The following PTPN7 variants were observed in gnomAD, a reference collection of about 807,000 sequenced individuals.
The protein encoded by PTPN7 is tyrosine-protein phosphatase non-receptor type 7.
In PTPN7, 33 loss-of-function variants were observed where a neutral mutation model predicts 50.3. The observed-to-expected ratio is 0.66, with a 90% confidence interval of 0.50 to 0.88. PTPN7 has a LOEUF of 0.88. Ranked by LOEUF, PTPN7 falls within the 40% of genes least tolerant of loss-of-function variation. The pLI, the probability that PTPN7 is intolerant of heterozygous loss-of-function variation, is 0.00. For synonymous variants in PTPN7, 185 were observed against 186.6 expected, an observed-to-expected ratio of 0.99 and a Z score of 0.07; for missense variants, 412 against 475.4, an observed-to-expected ratio of 0.87 and a Z score of 1.24.
At chr1:202,161,564 C>T (rs778810712), upstream of PTPN7, 47 of 1,282,400 alleles carry the variant, frequency 3.7e-5, no homozygotes, top group Non-Finnish European at 4.0e-5. Context: ...GGTTCATGCT[C>T]GCTGCACGCC....
In PTPN7 at chr1:202,152,492, A is replaced by G. The variant is rs116558030; in HGVS notation, c.875+50T>C. 2.3e-4 allele frequency: 364 copies of G among 1,586,220 alleles called. No individual in the cohort carries two copies. The African/African-American group carries it at 4.0e-3, about 17-fold the overall frequency. ...CTTCCCCAGGAGAGACCCAGGGGGC[A>G]GGGGAGGGGAGCACAGTCCACAGGC... is the stretch of plus-strand genomic sequence containing the variant. On this transcript the variant is annotated intron_variant, in intron 8 of 9. Transcript: ENST00000691036.
intron 4 of PTPN7, 87 bp from the exon 5 acceptor site, chr1:202,155,696 T>C: frequency 1.7e-6 from 2 of 1,176,372 alleles, no homozygotes; most frequent in South Asian, 2.5e-5. Context: ...GGAGAGTTCC[T>C]GTGCTCATCA....
intron 4 of PTPN7, among the ~76,000 whole-genome samples, chr1:202,156,140 T>G (rs1656632241): frequency 6.6e-6 from 1 of 152,116 alleles, no homozygotes; most frequent in Admixed American, 6.5e-5. Context: ...GAGAGTGACA[T>G]GATCAAAACA....
rs1479168612 is a variant in PTPN7, at chr1:202,160,399, C to T, written c.-53+146G>A. 2 of 819,758 alleles carry T rather than the reference C, an allele frequency of 2.4e-6. No homozygotes were observed. The highest frequency in any genetic ancestry group is 3.8e-6 in the Non-Finnish European group (2 of 526,144). 50.8% of individuals were successfully genotyped at this position (819,758 alleles called of 1,614,324 possible). On this transcript the variant is annotated intron_variant, in intron 1 of 9. Transcript: ENST00000691036. The surrounding 1 kb of genome is among the most constrained non-coding windows in gnomAD (Gnocchi z 4.8). ...CTGCTCACCCCCGTCTTGGGGACAT[C>T]AGGTCTGTGAGCACCCATACCCCAG...
In PTPN7 at chr1:202,159,382, C is replaced by A; in HGVS notation, c.21G>T (p.Gly7=). The change falls in exon 2 of 10, where the codon GGG becomes GGT. Residue 7 remains glycine, a synonymous_variant. Coordinates refer to ENST00000691036, the MANE Select transcript of PTPN7 (RefSeq NM_002832.4). The surrounding 1 kb of genome is among the most constrained non-coding windows in gnomAD (Gnocchi z 4.6). ...AGGTCAACGGCTGTGCTCTGGAGCG[C>A]CCCCCATGGGCTTGGACCATGCTGA... is the stretch of plus-strand genomic sequence containing the variant. MVQAHG[G]RSRAQPLTLS... 1 of 1,614,194 alleles carries A rather than the reference C, an allele frequency of 6.2e-7. No homozygotes were observed. Among genetic ancestry groups the A allele is most frequent in the Non-Finnish European group, 8.5e-7 (1 of 1,180,028 alleles).
rs1226105949 is a variant in PTPN7, at chr1:202,153,787, G to A, written c.655C>T (p.Gln219Ter). ...PTEEETYGPF[Q>*]IRIQDMKECP... ...TCTTTCATGTCCTGGATGCGGATCT[G>A]GAAGGGTCCATAGGTTTCCTCTTCT... Residue 219 changes from glutamine (Q) to a stop codon, truncating the protein, a stop_gained, in exon 7 of 10, where the codon CAG becomes TAG. Transcript: ENST00000691036. LOFTEE classifies it high-confidence loss of function. 7 of 1,614,112 alleles carry A rather than the reference G, an allele frequency of 4.3e-6. No individual in the cohort carries two copies. Among genetic ancestry groups the A allele is most frequent in the Non-Finnish European group, 5.9e-6 (7 of 1,179,972 alleles).
At chr1:202,154,873 A>T (rs12137599) in intron 5 of PTPN7, among the ~76,000 whole-genome samples, 6,375 of 152,286 alleles carry the variant, frequency 0.042, 175 homozygotes, top group Middle Eastern at 0.11. Context: ...CCTGCTTCTC[A>T]AGATGGTGAA....
intron 6 of PTPN7, 101 bp from the exon 7 acceptor site, chr1:202,153,936 G>T: frequency 1.8e-6 from 2 of 1,083,352 alleles, no homozygotes; most frequent in South Asian, 1.3e-5. Context: ...CACCCCTACT[G>T]GATGGGAGGT....
chr1:202,157,005 T>C (rs559111210), intron 4 of PTPN7, among the ~76,000 whole-genome samples: 87 of 152,324 alleles, frequency 5.7e-4, no homozygotes, highest in African/African-American at 2.0e-3. Context: ...AAGCCATCTC[T>C]CTGGGAGCCC....
At chr1:202,158,354 CT>C (rs1172882205) in intron 2 of PTPN7, 53 bp from the exon 3 acceptor site, 9 of 1,584,524 alleles carry the variant, frequency 5.7e-6, no homozygotes, top group African/African-American at 1.4e-5. Context: ...ATTTGCTTTT[CT>C]TTTCTTTTTA....
chr1:202,159,205 G>A lies in PTPN7; in HGVS notation c.122+76C>T. 2.8e-6 allele frequency: 4 copies of A among 1,450,074 alleles called. No individual in the cohort carries two copies. Among genetic ancestry groups the A allele is most frequent in the South Asian group, 1.2e-5 (1 of 82,940 alleles). 89.8% of individuals were successfully genotyped at this position (1,450,074 alleles called of 1,614,324 possible). ...TCTGGACCCTGCTGTCAGAGCTGGA[G>A]GGGCAGATGGAAGGAAGGGAGGAGC... is the stretch of plus-strand genomic sequence containing the variant. On this transcript the variant is annotated intron_variant, in intron 2 of 9. Coordinates refer to ENST00000691036, the MANE Select transcript of PTPN7 (RefSeq NM_002832.4). This position sits in a 1 kb window ranked among gnomAD's most constrained non-coding sequence, Gnocchi z 4.6.
At chr1:202,149,227 C>T (rs1290134555) in intron 9 of PTPN7, among the ~76,000 whole-genome samples, 1 of 152,090 alleles carries the variant, frequency 6.6e-6, no homozygotes, top group African/African-American at 2.4e-5. Flanking sequence ...AAGTCCTCTG[C>T]CCCTTACACG....
rs957799924 is a variant in PTPN7, at chr1:202,148,003, C to T, written c.*603G>A. On this transcript the variant is annotated 3_prime_UTR_variant, in exon 10 of 10. Coordinates refer to ENST00000691036, the MANE Select transcript of PTPN7 (RefSeq NM_002832.4). ...CCTTGTTCTTTCTTTTGATTGGGGT[C>T]ATCCAGCCCTTCCGATGTGTGGTCA... 1 of 152,312 alleles carries T rather than the reference C, an allele frequency of 6.6e-6. No homozygotes were observed. Among genetic ancestry groups the T allele is most frequent in the African/African-American group, 2.4e-5 (1 of 41,462 alleles). 9.4% of individuals were successfully genotyped at this position (152,312 alleles called of 1,614,324 possible). A position where few individuals can be genotyped will look rare whatever the true frequency, so the allele number is the denominator to read the frequency against.
At chr1:202,157,233 G>T (rs1231609027) in intron 4 of PTPN7, among the ~76,000 whole-genome samples, 1 of 152,220 alleles carries the variant, frequency 6.6e-6, no homozygotes, top group Non-Finnish European at 1.5e-5. Flanking sequence ...ATTGAGGCTG[G>T]ACGCGGTGGC....
intron 2 of PTPN7, chr1:202,158,873 C>T (rs1657000918): frequency 5.4e-6 from 1 of 185,184 alleles, no homozygotes; most frequent in Admixed American, 5.5e-5. Flanking sequence ...ATCCTCTCAC[C>T]TCAGCCTCCC....
chr1:202,161,218 C>G, upstream of PTPN7: 1 of 1,123,194 alleles, frequency 8.9e-7, no homozygotes, highest in Non-Finnish European at 1.1e-6. Context: ...CGTCTCCACG[C>G]CTGTGCCACG....
intron 8 of PTPN7, among the ~76,000 whole-genome samples, chr1:202,150,929 C>A (rs1278316983): frequency 6.6e-6 from 1 of 152,106 alleles, no homozygotes; most frequent in South Asian, 2.1e-4. Flanking sequence ...TTCAAAACCC[C>A]CTAGGCCTCC....
At chr1:202,150,499 A>G in intron 8 of PTPN7, 75 bp from the exon 9 acceptor site, 1 of 1,181,984 alleles carries the variant, frequency 8.5e-7, no homozygotes, top group East Asian at 2.6e-5. Flanking sequence ...CAAACTATGG[A>G]GAAAGAAATG....
chr1:202,148,780 T>A, intron 9 of PTPN7, 81 bp from the exon 10 acceptor site: 1 of 1,178,804 alleles, frequency 8.5e-7, no homozygotes, highest in Non-Finnish European at 1.2e-6. Context: ...ATCCCTGTGG[T>A]CCTACTGGGA....
Sources: allele counts gnomAD v4.1 joint callset (sites outside exome capture counted in the v4.1 genomes callset), GRCh38; gene constraint gnomAD v4.1.1; non-coding constraint Gnocchi (gnomAD v3.1); transcripts MANE v1.5; gene names NCBI Gene and HGNC (gene_info 2026-07-23, HGNC 2026-07-21).